UGT8: variants seen among roughly 807,000 people sequenced by gnomAD.
The protein encoded by UGT8 is 2-hydroxyacylsphingosine 1-beta-galactosyltransferase.
UGT8 carries 12 observed loss-of-function variants against 40.5 expected under a neutral mutation model. That is an observed-to-expected ratio of 0.30 (90% confidence interval 0.19 to 0.48). The LOEUF (loss-of-function observed/expected upper bound fraction) is 0.48, where lower values mean the gene tolerates loss of function less well. UGT8 is among the 20% of genes least tolerant of loss of function. The probability of loss-of-function intolerance (pLI) is 0.99; values close to 1 mark genes in which losing one functional copy is unlikely to be tolerated. For missense variants in UGT8, 513 were observed against 648.7 expected, an observed-to-expected ratio of 0.79 and a Z score of 2.27; for synonymous variants, 224 against 240.4, an observed-to-expected ratio of 0.93 and a Z score of 0.63.
intron 1 of UGT8, among the ~76,000 whole-genome samples, chr4:114,614,567 G>C (rs1731283716): frequency 6.6e-6 from 1 of 152,140 alleles, no homozygotes; most frequent in African/African-American, 2.4e-5. Flanking sequence ...TTCTGACAGG[G>C]AACTTTGGAT....
Position 114,678,211 on chromosome 4 carries a change from A to C in UGT8, c.*1923A>C, listed in dbSNP as rs1020440665. The C allele has an allele frequency of 4.6e-5, 7 of 152,198 alleles. No individual in the cohort carries two copies. Among genetic ancestry groups the C allele is most frequent in the Admixed American group, 4.6e-4 (7 of 15,280 alleles). 9.4% of individuals were successfully genotyped at this position (152,198 alleles called of 1,614,324 possible). Reference sequence around the variant, plus strand: ...TGTGATAAAAACTTAAATAATAAACATGATTTAAAATAGAGAAGTGTTGTT... The same window carrying C: ...TGTGATAAAAACTTAAATAATAAACCTGATTTAAAATAGAGAAGTGTTGTT... On this transcript the variant is annotated 3_prime_UTR_variant, in exon 6 of 6. Coordinates refer to ENST00000310836, the MANE Select transcript of UGT8 (RefSeq NM_001128174.3).
In UGT8 at chr4:114,676,231, C is replaced by G. The variant is rs199828337; in HGVS notation, c.1569C>G (p.Ile523Met). The change falls in exon 6 of 6, where the codon ATC becomes ATG. Residue 523 changes from isoleucine to methionine, a missense_variant. Ile to Met is a conservative substitution (Grantham distance 10). Around this residue, in one of 3 missense-constraint regions of UGT8, gnomAD observed 175 missense variants for 186.7 expected, o/e 0.94. Transcript: ENST00000310836. ...STVNGHYHNG[I>M]LNGKYKRNGH... is the part of the protein sequence containing the mutation. ...TTAATGGACATTACCACAATGGAAT[C>G]CTCAATGGCAAGTACAAAAGAAATG... 42 of 1,612,326 alleles carry G rather than the reference C, an allele frequency of 2.6e-5. No homozygotes were observed. The highest frequency in any genetic ancestry group is 3.5e-5 in the Non-Finnish European group (41 of 1,179,294).
At chr4:114,614,840 CTTTTTTTTTT>C (rs68162513) in intron 1 of UGT8, among the ~76,000 whole-genome samples, 3 of 98,532 alleles carry the variant, frequency 3.0e-5, no homozygotes, top group Non-Finnish European at 6.4e-5. Context: ...AGGTGCCAGA[CTTTTTTTTTT>C]TTTTTTTTTT....
At chr4:114,673,450 C>A (rs566182122) in intron 5 of UGT8, among the ~76,000 whole-genome samples, 1 of 152,268 alleles carries the variant, frequency 6.6e-6, no homozygotes, top group Admixed American at 6.5e-5. Flanking sequence ...AAGAGTCTGA[C>A]CGATGAAAGT....
intron 2 of UGT8, among the ~76,000 whole-genome samples, chr4:114,625,173 TG>T (rs1480298903): frequency 6.6e-6 from 1 of 152,146 alleles, no homozygotes; most frequent in African/African-American, 2.4e-5. Context: ...GGTTTTCATC[TG>T]GGTGATGTCT....
At chr4:114,662,941 C>T (rs1009942941) in intron 2 of UGT8, among the ~76,000 whole-genome samples, 2 of 148,620 alleles carry the variant, frequency 1.3e-5, no homozygotes, top group African/African-American at 2.5e-5. Flanking sequence ...CTCAGCCTCT[C>T]GAGTAGCTGG....
At chr4:114,599,439 C>G (rs1166309371) in intron 1 of UGT8, among the ~76,000 whole-genome samples, 1 of 152,140 alleles carries the variant, frequency 6.6e-6, no homozygotes, top group Non-Finnish European at 1.5e-5. Flanking sequence ...GCTTCGGGAC[C>G]TCTTCAACTC....
chr4:114,633,941 A>G (rs550385153), intron 2 of UGT8, among the ~76,000 whole-genome samples: 1 of 143,810 alleles, frequency 7.0e-6, no homozygotes, highest in East Asian at 2.0e-4. Context: ...GAGACTGTCT[A>G]AAAAAAAAAA....
chr4:114,660,420 T>A (rs1382759635), intron 2 of UGT8, among the ~76,000 whole-genome samples: 1 of 152,230 alleles, frequency 6.6e-6, no homozygotes, highest in East Asian at 1.9e-4. Context: ...CTTTTCATGT[T>A]TATGCCATTA....
chr4:114,615,174 C>T (rs765989499), intron 1 of UGT8, among the ~76,000 whole-genome samples: 5 of 151,422 alleles, frequency 3.3e-5, no homozygotes, highest in Non-Finnish European at 5.9e-5. Context: ...GATATGAGTA[C>T]ATTAATTTAC....
intron 2 of UGT8, among the ~76,000 whole-genome samples, chr4:114,639,681 T>A (rs1733091408): frequency 6.6e-6 from 1 of 152,370 alleles, no homozygotes; most frequent in South Asian, 2.1e-4. Context: ...TGTGTTGTAA[T>A]CCTGGGTTTA....
intron 2 of UGT8, among the ~76,000 whole-genome samples, chr4:114,658,102 A>G (rs1340396697): frequency 6.6e-6 from 1 of 152,174 alleles, no homozygotes; most frequent in Non-Finnish European, 1.5e-5. Flanking sequence ...ATATCCCAAG[A>G]TTTTTTTAAG....
intron 4 of UGT8, 31 bp from the exon 5 acceptor site, chr4:114,668,054 G>C: frequency 1.9e-6 from 3 of 1,605,066 alleles, no homozygotes; most frequent in Non-Finnish European, 2.6e-6. Flanking sequence ...TAATAATGTT[G>C]TAAGTTGTTT....
intron 1 of UGT8, among the ~76,000 whole-genome samples, chr4:114,619,188 T>A (rs913273645): frequency 1.2e-4 from 18 of 152,128 alleles, no homozygotes; most frequent in Non-Finnish European, 2.1e-4. Flanking sequence ...TCAGTCTATT[T>A]ATAACATGGG....
intron 1 of UGT8, among the ~76,000 whole-genome samples, chr4:114,601,829 GTT>G (rs58806720): frequency 7.1e-6 from 1 of 140,520 alleles, no homozygotes; most frequent in African/African-American, 2.6e-5. Context: ...TTCTTTTTAT[GTT>G]TTTTTTTTTT....
chr4:114,666,655 T>C (rs1734903189), intron 4 of UGT8, among the ~76,000 whole-genome samples: 1 of 152,192 alleles, frequency 6.6e-6, no homozygotes, highest in African/African-American at 2.4e-5. Context: ...ACTATTTCAG[T>C]GCGACAGTGT....
intron 2 of UGT8, among the ~76,000 whole-genome samples, chr4:114,647,637 A>G (rs939867684): frequency 6.6e-6 from 1 of 152,054 alleles, no homozygotes; most frequent in Non-Finnish European, 1.5e-5. Context: ...AAGTGTTGGG[A>G]TTACAGGCAT....
At chr4:114,647,363 T>TGTGC (rs1560694242) in intron 2 of UGT8, among the ~76,000 whole-genome samples, 1 of 150,704 alleles carries the variant, frequency 6.6e-6, no homozygotes, top group Non-Finnish European at 1.5e-5. Flanking sequence ...CTTTTGTGTG[T>TGTGC]GTGTGTGTGT....
At chr4:114,661,582 C>T (rs1734542032) in intron 2 of UGT8, among the ~76,000 whole-genome samples, 1 of 152,140 alleles carries the variant, frequency 6.6e-6, no homozygotes, top group African/African-American at 2.4e-5. Context: ...AAAATCCAAC[C>T]CCTTCAATGT....
Sources: gnomAD v4.1 joint callset for allele counts (sites outside exome capture counted in the v4.1 genomes callset) on GRCh38, gnomAD v4.1.1 for gene constraint, gnomAD v4.1.1 regional missense constraint, MANE v1.5 for transcripts, NCBI Gene and HGNC (gene_info 2026-07-23, HGNC 2026-07-21) for gene names.